Variants in PRKAA2 observed in about 807,000 individuals in gnomAD.
PRKAA2 encodes the protein 5'-AMP-activated protein kinase catalytic subunit alpha-2.
In PRKAA2, 40 loss-of-function variants were observed where a neutral mutation model predicts 56.3. The observed-to-expected ratio is 0.71, with a 90% CI of 0.55 to 0.92. The LOEUF (loss-of-function observed/expected upper bound fraction) is 0.92, where lower values mean the gene tolerates loss of function less well. Ranked by LOEUF, PRKAA2 falls within the 40% of genes least tolerant of loss-of-function variation. PRKAA2 has a pLI of 0.00. For missense variants in PRKAA2, 542 were observed against 686.9 expected, an observed-to-expected ratio of 0.79 and a Z score of 2.36; for synonymous variants, 214 against 234.2, an observed-to-expected ratio of 0.91 and a Z score of 0.79.
intron 2 of PRKAA2, among the ~76,000 whole-genome samples, chr1:56,685,236 A>G (rs1465754474): frequency 6.6e-6 from 1 of 152,206 alleles, no homozygotes; most frequent in Non-Finnish European, 1.5e-5. Context: ...GTCTGTTTAT[A>G]TCACAGATTA....
intron 2 of PRKAA2, among the ~76,000 whole-genome samples, chr1:56,688,928 G>A (rs1015646967): frequency 1.3e-5 from 2 of 152,172 alleles, no homozygotes; most frequent in African/African-American, 4.8e-5. Flanking sequence ...ATAGCTTAGT[G>A]CCTGGCAGAC....
intron 1 of PRKAA2, among the ~76,000 whole-genome samples, chr1:56,655,280 A>ATATATATATATTTTTTTTTTTTTTT: frequency 2.3e-4 from 22 of 93,630 alleles, no homozygotes; most frequent in South Asian, 5.3e-4. Context: ...ATATATATAT[A>ATATATATATATTTTTTTTTTTTTTT]TTTTTTTTTT....
At chr1:56,688,350 A>C (rs982265374) in intron 2 of PRKAA2, among the ~76,000 whole-genome samples, 1 of 152,220 alleles carries the variant, frequency 6.6e-6, no homozygotes, top group Non-Finnish European at 1.5e-5. Context: ...GCTAATTTAT[A>C]CATTTACTTA....
At chr1:56,651,121 G>A (rs150584223) in intron 1 of PRKAA2, among the ~76,000 whole-genome samples, 5 of 152,054 alleles carry the variant, frequency 3.3e-5, no homozygotes, top group Admixed American at 6.5e-5. Flanking sequence ...CTGGAGTAGC[G>A]AATCTGTGAG....
intron 7 of PRKAA2, among the ~76,000 whole-genome samples, chr1:56,704,729 A>G (rs995183367): frequency 6.6e-6 from 1 of 152,180 alleles, no homozygotes; most frequent in African/African-American, 2.4e-5. Context: ...ATAGCTTACC[A>G]GTTTCAGCAT....
At chr1:56,655,868 C>T (rs1305971127) in intron 1 of PRKAA2, among the ~76,000 whole-genome samples, 1 of 152,148 alleles carries the variant, frequency 6.6e-6, no homozygotes, top group East Asian at 1.9e-4. Flanking sequence ...CTGCCTCTTA[C>T]CTTTCTTCTC....
intron 2 of PRKAA2, among the ~76,000 whole-genome samples, chr1:56,683,504 G>A (rs557387950): frequency 1.8e-4 from 28 of 152,184 alleles, no homozygotes; most frequent in Non-Finnish European, 2.6e-4. Flanking sequence ...GCAGGTTGTT[G>A]GTTGATCCAT....
chr1:56,674,562 A>G lies in PRKAA2; in HGVS notation c.236+40A>G, dbSNP rs369371089. ...ATCTAATAATACCAAAGAGACACCT[A>G]TCTTAAAATGTTTTTTAGGAATTTT... On this transcript the variant is annotated intron_variant, in intron 2 of 8. Coordinates refer to ENST00000371244, the MANE Select transcript of PRKAA2 (RefSeq NM_006252.4). The G allele has an allele frequency of 3.2e-5, 44 of 1,358,246 alleles. No homozygotes were observed. In the African/African-American group the frequency reaches 6.3e-4, roughly 20 times the overall value. 84.1% of individuals were successfully genotyped at this position (1,358,246 alleles called of 1,614,324 possible). A position where few individuals can be genotyped will look rare whatever the true frequency, so the allele number is the denominator to read the frequency against.
At position 56,715,298 on chromosome 1, in the gene PRKAA2, A is replaced by G. The variant is rs1644398362; in HGVS notation, c.*7585A>G. 1 of 152,194 alleles carries G rather than the reference A, an allele frequency of 6.6e-6. No individual in the cohort carries two copies. The highest frequency in any genetic ancestry group is 2.1e-4 in the South Asian group (1 of 4,832). 9.4% of individuals were successfully genotyped at this position (152,194 alleles called of 1,614,324 possible). On this transcript the variant is annotated 3_prime_UTR_variant, in exon 9 of 9. Transcript: ENST00000371244. ...CTGATTGCTTATAAGCTTTTTTCAC[A>G]AAATCAAATTAAAAGTCTCTGATTC...
chr1:56,660,576 C>G (rs1384390781), intron 1 of PRKAA2, among the ~76,000 whole-genome samples: 1 of 152,130 alleles, frequency 6.6e-6, no homozygotes, highest in Admixed American at 6.5e-5. Flanking sequence ...GACCTCATTT[C>G]TCAAATCTAA....
chr1:56,675,400 T>C (rs1323731146), intron 2 of PRKAA2, among the ~76,000 whole-genome samples: 1 of 152,090 alleles, frequency 6.6e-6, no homozygotes, highest in Non-Finnish European at 1.5e-5. Context: ...TTATTTAATT[T>C]AATATTATCT....
At chr1:56,677,844 C>T (rs544524673) in intron 2 of PRKAA2, among the ~76,000 whole-genome samples, 8 of 152,158 alleles carry the variant, frequency 5.3e-5, no homozygotes, top group African/African-American at 1.7e-4. Flanking sequence ...TTTGTAGAGA[C>T]AGGCTTTCCG....
rs141011698 is a variant in PRKAA2, at chr1:56,660,699, G to A, written c.95-13682G>A. Among the ~76,000 whole-genome samples the A allele has an allele frequency of 7.4e-3, 1,124 of 152,228 alleles. 7 individuals are homozygous for A. The highest frequency in any genetic ancestry group is 0.01 in the Non-Finnish European group (689 of 68,008). ...AATTATGTGAATTTTGAGCTTGGGC[G>A]TTAGAGGCAGATACACCATCCTGTC... On this transcript the variant is annotated intron_variant, in intron 1 of 8. Coordinates refer to ENST00000371244, the MANE Select transcript of PRKAA2 (RefSeq NM_006252.4).
chr1:56,658,576 T>C (rs2746351), intron 1 of PRKAA2, among the ~76,000 whole-genome samples: 2 of 143,040 alleles, frequency 1.4e-5, no homozygotes, highest in Non-Finnish European at 3.0e-5. Context: ...TGTTGTTGTT[T>C]TTTTTTTTCT....
rs1644383987 is a variant in PRKAA2 at position 56,713,627 on chromosome 1, A to C, written c.*5914A>C. ...AGGTTCATACAGTGCATACAGTGTG[A>C]CCTTTTCTGAGGTGGGCAGGGAGGG... On this transcript the variant is annotated 3_prime_UTR_variant, in exon 9 of 9. Transcript: ENST00000371244. 1 of 152,080 alleles carries C rather than the reference A, an allele frequency of 6.6e-6. No homozygotes were observed. The highest frequency in any genetic ancestry group is 2.1e-4 in the South Asian group (1 of 4,826). 9.4% of individuals were successfully genotyped at this position (152,080 alleles called of 1,614,324 possible).
intron 1 of PRKAA2, chr1:56,671,308 T>C (rs1250687781): frequency 6.6e-6 from 1 of 152,188 alleles, no homozygotes; most frequent in Admixed American, 6.5e-5. Context: ...AGTTATTTCA[T>C]TGAGGCTATT....
chr1:56,695,762 C>T (rs1409951450), intron 5 of PRKAA2, among the ~76,000 whole-genome samples, 173 bp from the exon 6 acceptor site: 11 of 151,844 alleles, frequency 7.2e-5, no homozygotes, highest in South Asian at 2.1e-4. Context: ...TTGGCTAGCC[C>T]CATTACTCTC....
At chr1:56,680,465 C>G (rs1269124584) in intron 2 of PRKAA2, among the ~76,000 whole-genome samples, 1 of 152,136 alleles carries the variant, frequency 6.6e-6, no homozygotes, top group Admixed American at 6.5e-5. Context: ...CCCATTAACT[C>G]GTCATTTACA....
chr1:56,657,024 T>A (rs922734062), intron 1 of PRKAA2, among the ~76,000 whole-genome samples: 5 of 152,152 alleles, frequency 3.3e-5, no homozygotes, highest in African/African-American at 1.2e-4. Context: ...ACTGATTAAA[T>A]GCCTCAAGCC....
Sources: gnomAD v4.1 joint callset for allele counts (sites outside exome capture counted in the v4.1 genomes callset) on GRCh38, gnomAD v4.1.1 for gene constraint, MANE v1.5 for transcripts, NCBI Gene and HGNC (gene_info 2026-07-23, HGNC 2026-07-21) for gene names.